Variants in WDPCP observed in about 807,000 individuals in gnomAD.
The protein encoded by WDPCP is WD repeat-containing and planar cell polarity effector protein fritz homolog.
WDPCP carries 71 observed loss-of-function variants against 93.1 expected under a neutral mutation model. The observed-to-expected ratio is 0.76, with a 90% CI of 0.63 to 0.93. The LOEUF (loss-of-function observed/expected upper bound fraction) is 0.93. Ranked by LOEUF, WDPCP falls within the 40% of genes least tolerant of loss-of-function variation. The probability of loss-of-function intolerance (pLI) is 0.00; values close to 1 mark genes in which losing one functional copy is unlikely to be tolerated. For missense variants in WDPCP, 844 were observed against 887.4 expected, an observed-to-expected ratio of 0.95 and a Z score of 0.62; for synonymous variants, 315 against 315.0, an observed-to-expected ratio of 1.00 and a Z score of 0.00.
At chr2:63,136,498 A>G (rs757736542) in intron 17 of WDPCP, among the ~76,000 whole-genome samples, 2 of 152,136 alleles carry the variant, frequency 1.3e-5, no homozygotes, top group Non-Finnish European at 2.9e-5. Flanking sequence ...AACACTTAAG[A>G]TGGGTGCATT....
intron 12 of WDPCP, among the ~76,000 whole-genome samples, chr2:63,313,870 A>ATGTGTGTG (rs1553604092): frequency 0.018 from 875 of 48,652 alleles, 14 homozygotes; most frequent in African/African-American, 0.039. Flanking sequence ...ATATATATAT[A>ATGTGTGTG]TATATATATA....
chr2:63,576,147 T>A (rs888535043), intron 1 of WDPCP, among the ~76,000 whole-genome samples: 1 of 152,158 alleles, frequency 6.6e-6, no homozygotes, highest in Non-Finnish European at 1.5e-5. Context: ...CCAAATGCGT[T>A]GTCCTATAAT....
chr2:63,751,291 T>G (rs1226678899), intron 2 of WDPCP, among the ~76,000 whole-genome samples: 1 of 152,212 alleles, frequency 6.6e-6, no homozygotes, highest in African/African-American at 2.4e-5. Context: ...CTGTAGAGTT[T>G]ATAGTGATAA....
intron 3 of WDPCP, among the ~76,000 whole-genome samples, chr2:63,614,962 C>T (rs781487879): frequency 2.0e-5 from 3 of 152,180 alleles, no homozygotes; most frequent in Admixed American, 1.3e-4. Context: ...TCTGAAGCCT[C>T]CCGTATCACA....
At chr2:63,363,961 G>C (rs1690690931) in intron 12 of WDPCP, among the ~76,000 whole-genome samples, 1 of 152,056 alleles carries the variant, frequency 6.6e-6, no homozygotes, top group Non-Finnish European at 1.5e-5. Flanking sequence ...GATTGCCTGA[G>C]GCCAGGAGTT....
At chr2:63,545,876 G>T (rs1387913700) in intron 1 of WDPCP, among the ~76,000 whole-genome samples, 2 of 147,216 alleles carry the variant, frequency 1.4e-5, no homozygotes, top group Admixed American at 1.4e-4. Flanking sequence ...AAAAAAAAAA[G>T]TACTGTGAAA....
chr2:63,593,606 C>A (rs1269370796), upstream of WDPCP: 1 of 471,552 alleles, frequency 2.1e-6, no homozygotes, highest in Admixed American at 2.3e-5. Context: ...TTAGTCACAT[C>A]AGTGGACCAT....
intron 2 of WDPCP, among the ~76,000 whole-genome samples, chr2:63,782,433 T>C (rs1372304325): frequency 6.6e-6 from 1 of 152,040 alleles, no homozygotes; most frequent in Non-Finnish European, 1.5e-5. Context: ...GGTACTAATA[T>C]CAGAATCTAG....
chr2:63,806,288 G>T (rs984453591), intron 2 of WDPCP, among the ~76,000 whole-genome samples: 1 of 152,096 alleles, frequency 6.6e-6, no homozygotes, highest in African/African-American at 2.4e-5. Flanking sequence ...ATCACATGTC[G>T]GTAGGTTCCG....
intron 14 of WDPCP, among the ~76,000 whole-genome samples, chr2:63,242,101 GTAA>G (rs1410171428): frequency 6.6e-6 from 1 of 152,038 alleles, no homozygotes; most frequent in African/African-American, 2.4e-5. Flanking sequence ...TTATCTCCAG[GTAA>G]TAATATGAGT....
At chr2:63,535,945 A>G (rs1367051025) in intron 1 of WDPCP, among the ~76,000 whole-genome samples, 1 of 152,226 alleles carries the variant, frequency 6.6e-6, no homozygotes, top group East Asian at 1.9e-4. Context: ...ATGGGAGAAA[A>G]TTTTTGCAGT....
At chr2:63,539,505 G>C (rs921775332) in intron 1 of WDPCP, among the ~76,000 whole-genome samples, 1 of 152,184 alleles carries the variant, frequency 6.6e-6, no homozygotes, top group Non-Finnish European at 1.5e-5. Flanking sequence ...AAACCAGCCT[G>C]GCCAACATGG....
intron 2 of WDPCP, among the ~76,000 whole-genome samples, chr2:63,793,566 GTGC>G (rs1553456526): frequency 6.6e-6 from 1 of 152,134 alleles, no homozygotes; most frequent in Non-Finnish European, 1.5e-5. Flanking sequence ...AGCTATGATT[GTGC>G]CATTGCACCT....
At chr2:63,306,292 G>A (rs1254371827) in intron 13 of WDPCP, among the ~76,000 whole-genome samples, 1 of 152,202 alleles carries the variant, frequency 6.6e-6, no homozygotes, top group South Asian at 2.1e-4. Flanking sequence ...CAGATTCACA[G>A]CCGAATTCTA....
At chr2:63,383,999 T>C (rs1407499818) in intron 10 of WDPCP, among the ~76,000 whole-genome samples, 4 of 152,092 alleles carry the variant, frequency 2.6e-5, no homozygotes, top group African/African-American at 9.7e-5. Context: ...CTGACCACAA[T>C]AGAATTAAAT....
chr2:63,485,971 T>G (rs1277945274), intron 4 of WDPCP, among the ~76,000 whole-genome samples: 2 of 151,762 alleles, frequency 1.3e-5, no homozygotes, highest in African/African-American at 4.8e-5. Flanking sequence ...TAATACATTA[T>G]TTTTTAAAAT....
intron 2 of WDPCP, among the ~76,000 whole-genome samples, chr2:63,789,550 G>C (rs1231902079): frequency 6.6e-6 from 1 of 152,170 alleles, no homozygotes; most frequent in Non-Finnish European, 1.5e-5. Flanking sequence ...CGGCAGAGTG[G>C]TAGTACTACA....
intron 12 of WDPCP, among the ~76,000 whole-genome samples, chr2:63,333,862 G>GT (rs1343251547): frequency 6.6e-6 from 1 of 152,172 alleles, no homozygotes; most frequent in Admixed American, 6.5e-5. Context: ...ATTTTACAGA[G>GT]TTTGACTCTT....
At chr2:63,238,574 T>G (rs558183093) in intron 14 of WDPCP, among the ~76,000 whole-genome samples, 3 of 152,268 alleles carry the variant, frequency 2.0e-5, no homozygotes, top group African/African-American at 7.2e-5. Flanking sequence ...CTAAGATGTA[T>G]CAGATAATTT....
Sources: gnomAD v4.1 joint callset for allele counts (sites outside exome capture counted in the v4.1 genomes callset) on GRCh38, gnomAD v4.1.1 for gene constraint, MANE v1.5 for transcripts, NCBI Gene and HGNC (gene_info 2026-07-23, HGNC 2026-07-21) for gene names.